PARD3: variants seen among roughly 807,000 people sequenced by gnomAD.
PARD3 encodes partitioning defective 3 homolog.
In PARD3, 75 loss-of-function variants were observed where a neutral mutation model predicts 155.4. The observed-to-expected ratio is 0.48, with a 90% CI of 0.40 to 0.58. The LOEUF (loss-of-function observed/expected upper bound fraction) is 0.58. Among genes scored for constraint, PARD3 ranks in the 20% least tolerant of loss-of-function variants. The pLI, the probability that PARD3 is intolerant of heterozygous loss-of-function variation, is 0.00. For synonymous variants in PARD3, 576 were observed against 610.5 expected (o/e 0.94, Z 0.83); for missense variants, 1,642 against 1,721.7 (o/e 0.95, Z 0.82).
At chr10:34,408,082 A>C (rs2132269697) in intron 5 of PARD3, among the ~76,000 whole-genome samples, 1 of 152,230 alleles carries the variant, frequency 6.6e-6, no homozygotes. Context: ...CAAGAAGTAA[A>C]TATTTTGGAT....
At chr10:34,700,789 T>G (rs183083133) in intron 1 of PARD3, among the ~76,000 whole-genome samples, 1 of 152,046 alleles carries the variant, frequency 6.6e-6, no homozygotes, top group African/African-American at 2.4e-5. Flanking sequence ...CTGGCCGACA[T>G]GATGAAACCC....
intron 22 of PARD3, among the ~76,000 whole-genome samples, chr10:34,142,672 A>AAGGCAGGC (rs1564427530): frequency 6.6e-6 from 1 of 152,090 alleles, no homozygotes; most frequent in Non-Finnish European, 1.5e-5. Flanking sequence ...GGAAGGCAGG[A>AAGGCAGGC]AGGCAGGCAG....
chr10:34,290,414 T>C (rs1172600668), intron 20 of PARD3, among the ~76,000 whole-genome samples: 1 of 152,216 alleles, frequency 6.6e-6, no homozygotes, highest in Non-Finnish European at 1.5e-5. Flanking sequence ...GCTAATTACC[T>C]AGGTCTTCAT....
chr10:34,331,412 G>T, intron 18 of PARD3, 68 bp from the exon 19 acceptor site: 1 of 935,968 alleles, frequency 1.1e-6, no homozygotes, highest in Non-Finnish European at 1.7e-6. Context: ...AATATGCACT[G>T]TCGAAAACTT....
At chr10:34,312,863 C>T (rs1298457848) in intron 20 of PARD3, among the ~76,000 whole-genome samples, 1 of 152,142 alleles carries the variant, frequency 6.6e-6, no homozygotes, top group Non-Finnish European at 1.5e-5. Flanking sequence ...GATAACAGTT[C>T]CAATTTTGCA....
chr10:34,180,346 C>T (rs1950217558), intron 22 of PARD3, among the ~76,000 whole-genome samples: 1 of 152,152 alleles, frequency 6.6e-6, no homozygotes, highest in Non-Finnish European at 1.5e-5. Context: ...CGCCTGGACC[C>T]CTTCAAGCAT....
chr10:34,216,454 T>C (rs199971099), intron 22 of PARD3, among the ~76,000 whole-genome samples: 4 of 152,102 alleles, frequency 2.6e-5, no homozygotes, highest in East Asian at 1.9e-4. Context: ...CCTGGAGTAA[T>C]TGATGCTTGG....
chr10:34,794,926 T>C (rs1842086153), intron 1 of PARD3, among the ~76,000 whole-genome samples: 1 of 152,260 alleles, frequency 6.6e-6, no homozygotes, highest in African/African-American at 2.4e-5. Flanking sequence ...AGAATAAAGA[T>C]GACCACAAGG....
intron 2 of PARD3, among the ~76,000 whole-genome samples, chr10:34,609,989 T>C (rs771592640): frequency 4.6e-5 from 7 of 152,212 alleles, no homozygotes; most frequent in Non-Finnish European, 7.3e-5. Context: ...TTCTAGCTAG[T>C]GGAAATATAC....
intron 23 of PARD3, among the ~76,000 whole-genome samples, chr10:34,127,094 C>T (rs1012902619): frequency 6.6e-6 from 1 of 152,200 alleles, no homozygotes; most frequent in African/African-American, 2.4e-5. Context: ...CATAGAAATG[C>T]ATTCCAGCCT....
chr10:34,170,366 G>A (rs967948967), intron 22 of PARD3, among the ~76,000 whole-genome samples: 7 of 152,198 alleles, frequency 4.6e-5, no homozygotes, highest in African/African-American at 1.7e-4. Context: ...TATTACAGGT[G>A]TGGCCCACCA....
At chr10:34,540,166 T>C (rs929601775) in intron 2 of PARD3, among the ~76,000 whole-genome samples, 2 of 152,054 alleles carry the variant, frequency 1.3e-5, no homozygotes, top group South Asian at 4.2e-4. Context: ...GGACATTCAA[T>C]TACAGGTTAT....
intron 22 of PARD3, among the ~76,000 whole-genome samples, chr10:34,145,996 T>C (rs1270484908): frequency 1.3e-5 from 2 of 152,138 alleles, no homozygotes; most frequent in East Asian, 3.9e-4. Flanking sequence ...TTCCATGTCT[T>C]CCGAAGAGAA....
At chr10:34,700,184 G>A (rs2094248534) in intron 1 of PARD3, among the ~76,000 whole-genome samples, 1 of 152,168 alleles carries the variant, frequency 6.6e-6, no homozygotes, top group Non-Finnish European at 1.5e-5. Flanking sequence ...CCAAGGATAG[G>A]TCCAAACCCA....
At chr10:34,344,416 G>A (rs1295430640) in intron 15 of PARD3, 9 of 513,120 alleles carry the variant, frequency 1.8e-5, no homozygotes, top group Non-Finnish European at 2.0e-5. Context: ...CCCAGTAGGT[G>A]GGACTACGGG....
intron 2 of PARD3, among the ~76,000 whole-genome samples, chr10:34,642,676 G>A (rs139832328): frequency 2.0e-5 from 3 of 152,170 alleles, no homozygotes; most frequent in African/African-American, 7.2e-5. Flanking sequence ...CCTGAGGACA[G>A]CTACCTAGAC....
chr10:34,496,448 T>C (rs1291259718), intron 3 of PARD3, among the ~76,000 whole-genome samples: 1 of 152,128 alleles, frequency 6.6e-6, no homozygotes, highest in African/African-American at 2.4e-5. Context: ...GCTCACAAAA[T>C]GATGAACAAC....
chr10:34,272,524 G>A (rs993242559), intron 21 of PARD3, among the ~76,000 whole-genome samples: 3 of 152,092 alleles, frequency 2.0e-5, no homozygotes, highest in African/African-American at 7.2e-5. Context: ...GAGCCCAGGA[G>A]TTCTAGACCA....
At chr10:34,249,029 T>C (rs1316744643) in intron 22 of PARD3, among the ~76,000 whole-genome samples, 1 of 152,088 alleles carries the variant, frequency 6.6e-6, no homozygotes, top group Non-Finnish European at 1.5e-5. Context: ...TCCTTAATTT[T>C]TTTTAGACTT....
Sources: gnomAD v4.1 joint callset for allele counts (sites outside exome capture counted in the v4.1 genomes callset) on GRCh38, gnomAD v4.1.1 for gene constraint, MANE v1.5 for transcripts, NCBI Gene and HGNC (gene_info 2026-07-23, HGNC 2026-07-21) for gene names.